NTM: variants seen among roughly 807,000 people sequenced by gnomAD.
NTM encodes IgLON family member 2.
Under a neutral mutation model 42.1 loss-of-function variants are expected in NTM, and 13 were observed. The ratio of observed to expected loss-of-function variants is 0.31; its 90% CI spans 0.20 to 0.49. NTM has a LOEUF of 0.49. Ranked by LOEUF, NTM falls within the 20% of genes least tolerant of loss-of-function variation. The pLI, the probability that NTM is intolerant of heterozygous loss-of-function variation, is 0.99. For missense variants in NTM, 373 were observed against 452.8 expected (o/e 0.82, Z 1.60); for synonymous variants, 187 against 179.2 (o/e 1.04, Z -0.35).
chr11:131,994,777 G>A (rs2067685458), intron 2 of NTM, among the ~76,000 whole-genome samples: 1 of 152,078 alleles, frequency 6.6e-6, no homozygotes, highest in African/African-American at 2.4e-5. Flanking sequence ...TCCAGCTGCT[G>A]TTTGGATATT....
At chr11:132,205,970 T>A (rs1482155523) in intron 3 of NTM, among the ~76,000 whole-genome samples, 4 of 152,182 alleles carry the variant, frequency 2.6e-5, no homozygotes, top group Admixed American at 2.6e-4. Flanking sequence ...GCCGTCCAGA[T>A]GCTACTTAAC....
chr11:131,514,821 G>A (rs2048691690), intron 1 of NTM, among the ~76,000 whole-genome samples: 1 of 152,078 alleles, frequency 6.6e-6, no homozygotes, highest in Non-Finnish European at 1.5e-5. Context: ...GAACTCCTAA[G>A]GCTCAAACGA....
chr11:131,873,533 TGTGTGTATATATATACATATATATATACC>T (rs201896201), intron 1 of NTM, among the ~76,000 whole-genome samples: 27 of 135,170 alleles, frequency 2.0e-4, no homozygotes, highest in Middle Eastern at 3.8e-3. Flanking sequence ...TGTGTGTGTG[TGTGTGTATATATATACATATATATATACC>T]GTATATATAT....
At chr11:131,659,440 G>C (rs2067659847) in intron 1 of NTM, among the ~76,000 whole-genome samples, 1 of 152,194 alleles carries the variant, frequency 6.6e-6, no homozygotes, top group South Asian at 2.1e-4. Flanking sequence ...GACCCTGTAT[G>C]CTGAGCCCTC....
chr11:132,177,438 A>G (rs1592037057), intron 3 of NTM, among the ~76,000 whole-genome samples: 1 of 152,344 alleles, frequency 6.6e-6, no homozygotes, highest in East Asian at 1.9e-4. Context: ...TGGAATGTTA[A>G]TACATTGTTT....
Position 131,602,914 on chromosome 11 carries a change from C to T in NTM, c.82+232026C>T, listed in dbSNP as rs1293895195. 3.3e-5 allele frequency among the ~76,000 whole-genome samples: 5 copies of T among 152,320 alleles called. No homozygotes were observed. The East Asian group carries it at 9.6e-4, about 29-fold the overall frequency. On this transcript the variant is annotated intron_variant, in intron 1 of 8. Coordinates refer to ENST00000683400, the MANE Select transcript of NTM (RefSeq NM_001352005.2). ...TAATTGTCAGCAAGTCCTGTCAATT[C>T]TACCTGCAAAATATGTCTTGTAATC...
chr11:131,501,479 C>G (rs1454439614), intron 1 of NTM, among the ~76,000 whole-genome samples: 2 of 152,104 alleles, frequency 1.3e-5, no homozygotes, highest in African/African-American at 4.8e-5. Context: ...GAGGAACATG[C>G]AGGAGATGAT....
chr11:131,988,167 A>C (rs1014069005), intron 2 of NTM, among the ~76,000 whole-genome samples: 3 of 152,204 alleles, frequency 2.0e-5, no homozygotes, highest in Non-Finnish European at 2.9e-5. Flanking sequence ...TTATAAGGAC[A>C]CTAATTCCAC....
At chr11:131,942,240 C>T (rs2059874313) in intron 2 of NTM, among the ~76,000 whole-genome samples, 1 of 152,126 alleles carries the variant, frequency 6.6e-6, no homozygotes, top group South Asian at 2.1e-4. Context: ...CCCCTAAATC[C>T]CTGCAAACTA....
chr11:131,994,698 A>G (rs1235291281), intron 2 of NTM, among the ~76,000 whole-genome samples: 1 of 152,038 alleles, frequency 6.6e-6, no homozygotes, highest in Admixed American at 6.6e-5. Flanking sequence ...CACTTCAGTA[A>G]TTTTAGCTTT....
At chr11:131,717,940 A>G (rs182843928) in intron 1 of NTM, among the ~76,000 whole-genome samples, 25 of 152,262 alleles carry the variant, frequency 1.6e-4, no homozygotes, top group African/African-American at 5.8e-4. Flanking sequence ...CAGTTTGTCA[A>G]ATGCTTTCGT....
chr11:132,054,443 A>C (rs903099838), intron 2 of NTM, among the ~76,000 whole-genome samples: 1 of 152,178 alleles, frequency 6.6e-6, no homozygotes, highest in African/African-American at 2.4e-5. Flanking sequence ...GTGGATTCTG[A>C]TTCGTAGTCC....
intron 1 of NTM, among the ~76,000 whole-genome samples, chr11:131,564,378 T>C (rs2056608681): frequency 6.6e-6 from 1 of 152,230 alleles, no homozygotes; most frequent in African/African-American, 2.4e-5. Flanking sequence ...GAGGACTCTC[T>C]TCCTGGCTTG....
At chr11:132,138,654 T>C (rs928265780) in intron 2 of NTM, among the ~76,000 whole-genome samples, 2 of 150,888 alleles carry the variant, frequency 1.3e-5, no homozygotes, top group African/African-American at 4.9e-5. Context: ...AAGAATTGGC[T>C]CATGTCTGTA....
At chr11:131,913,419 C>T (rs1402940904) in intron 2 of NTM, among the ~76,000 whole-genome samples, 1 of 152,004 alleles carries the variant, frequency 6.6e-6, no homozygotes, top group African/African-American at 2.4e-5. Context: ...AGACAGAGAC[C>T]AGGCCAGAAT....
At chr11:131,606,185 C>A (rs926134585) in intron 1 of NTM, among the ~76,000 whole-genome samples, 2 of 152,026 alleles carry the variant, frequency 1.3e-5, no homozygotes, top group Non-Finnish European at 2.9e-5. Flanking sequence ...AAGTGATTTA[C>A]CCACCTTCAG....
chr11:131,428,241 G>A (rs999956929), intron 1 of NTM, among the ~76,000 whole-genome samples: 25 of 152,172 alleles, frequency 1.6e-4, no homozygotes, highest in Admixed American at 1.5e-3. Flanking sequence ...TGGTACGCCT[G>A]TCACTCTTCT....
chr11:131,761,773 C>G (rs866065255), intron 1 of NTM, among the ~76,000 whole-genome samples: 33 of 151,738 alleles, frequency 2.2e-4, no homozygotes, highest in South Asian at 8.3e-4. Flanking sequence ...AGCGCCATTG[C>G]ACTCCAGCCT....
intron 3 of NTM, among the ~76,000 whole-genome samples, chr11:132,166,917 T>C (rs779185052): frequency 1.3e-5 from 2 of 152,168 alleles, no homozygotes; most frequent in Non-Finnish European, 2.9e-5. Flanking sequence ...GTTTAGTGTT[T>C]TAGAGGCATG....
Sources: gnomAD v4.1 joint callset for allele counts (sites outside exome capture counted in the v4.1 genomes callset) on GRCh38, gnomAD v4.1.1 for gene constraint, MANE v1.5 for transcripts, NCBI Gene and HGNC (gene_info 2026-07-23, HGNC 2026-07-21) for gene names.